The following KLRG1 variants were observed in gnomAD, a reference collection of about 807,000 sequenced individuals.
KLRG1 encodes killer cell lectin like receptor G1.
A neutral mutation model predicts 21.8 loss-of-function variants in KLRG1; 16 were observed. That is an observed-to-expected ratio of 0.73 (90% CI 0.50 to 1.11). The LOEUF (loss-of-function observed/expected upper bound fraction) is 1.11. Among genes scored for constraint, KLRG1 ranks in the 50% most tolerant of loss-of-function variants. KLRG1 has a pLI of 0.00. For synonymous variants in KLRG1, 69 were observed against 75.9 expected (o/e 0.91, Z 0.47); for missense variants, 173 against 218.3 (o/e 0.79, Z 1.31).
chr12:9,032,863 C>T, the KLRG1 span, among the ~76,000 whole-genome samples: 1 of 152,170 alleles, frequency 6.6e-6, no homozygotes, highest in African/African-American at 2.4e-5. Flanking sequence ...ATTTTCCACA[C>T]TCCTATGATT....
chr12:9,052,487 A>G, the KLRG1 span, among the ~76,000 whole-genome samples: 1 of 152,138 alleles, frequency 6.6e-6, no homozygotes, highest in Non-Finnish European at 1.5e-5. Flanking sequence ...AACTCACCCA[A>G]GGGTCTCACA....
At chr12:9,106,467 C>T in the KLRG1 span, 1 of 1,503,682 alleles carries the variant, frequency 6.7e-7, no homozygotes, top group South Asian at 1.2e-5. Flanking sequence ...TGTGTTTTCT[C>T]TTATACCCAT....
At chr12:9,123,936 C>T in the KLRG1 span, among the ~76,000 whole-genome samples, 9 of 149,532 alleles carry the variant, frequency 6.0e-5, no homozygotes, top group African/African-American at 1.5e-4. Flanking sequence ...AGGGTTATGT[C>T]GAAAGGACTC....
the KLRG1 span, chr12:9,157,758 G>T: frequency 2.2e-5 from 35 of 1,611,110 alleles, no homozygotes; most frequent in East Asian, 2.7e-4. Flanking sequence ...GGATTGAGCT[G>T]GTACCTACAG....
downstream of KLRG1, among the ~76,000 whole-genome samples, chr12:9,011,125 G>A (rs956285116): frequency 6.6e-6 from 1 of 152,122 alleles, no homozygotes; most frequent in Non-Finnish European, 1.5e-5. Context: ...AACTACAGTC[G>A]GGTCTTAAAT....
At chr12:9,097,059 T>C in the KLRG1 span, among the ~76,000 whole-genome samples, 1 of 152,198 alleles carries the variant, frequency 6.6e-6, no homozygotes, top group African/African-American at 2.4e-5. Context: ...GCTTTATTAT[T>C]AATAAATAGG....
At chr12:9,028,192 C>T in the KLRG1 span, 3 of 596,030 alleles carry the variant, frequency 5.0e-6, no homozygotes, top group Middle Eastern at 4.7e-4. Flanking sequence ...GCTCTTGTCA[C>T]CTAGGCTGGA....
chr12:9,166,472 T>A, the KLRG1 span, among the ~76,000 whole-genome samples: 20 of 152,094 alleles, frequency 1.3e-4, no homozygotes, highest in Non-Finnish European at 2.4e-4. Context: ...TGGAGACAGT[T>A]TTATGGGTTT....
At chr12:8,963,383 C>G (rs1470476390) in intron 1 of KLRG1, among the ~76,000 whole-genome samples, 1 of 152,174 alleles carries the variant, frequency 6.6e-6, no homozygotes. Context: ...AGAGATGAAG[C>G]CCACTTGATC....
the KLRG1 span, chr12:9,154,530 C>A: frequency 1.6e-6 from 2 of 1,243,780 alleles, no homozygotes; most frequent in South Asian, 1.4e-5. Context: ...TAATAATTGC[C>A]TTCTCTTTTC....
the KLRG1 span, among the ~76,000 whole-genome samples, chr12:9,107,314 C>T: frequency 6.6e-6 from 1 of 152,252 alleles, no homozygotes; most frequent in South Asian, 2.1e-4. Flanking sequence ...GGCTCAGTGT[C>T]TATCGTTCTG....
chr12:9,008,883 A>T, intron 3 of KLRG1, 92 bp from the exon 4 acceptor site: 1 of 795,640 alleles, frequency 1.3e-6, no homozygotes, highest in Non-Finnish European at 2.1e-6. Context: ...TTAATTAATT[A>T]CTTAACTTAG....
At chr12:9,208,823 A>C in the KLRG1 span, among the ~76,000 whole-genome samples, 1 of 152,150 alleles carries the variant, frequency 6.6e-6, no homozygotes, top group African/African-American at 2.4e-5. Context: ...GATTGAGTAC[A>C]TGGTCCTGGA....
the KLRG1 span, chr12:9,192,765 G>C: frequency 2.0e-6 from 3 of 1,491,278 alleles, no homozygotes; most frequent in South Asian, 1.1e-5. Context: ...AGCAAAGAAA[G>C]AATACTGTCT....
the KLRG1 span, among the ~76,000 whole-genome samples, chr12:9,142,807 G>A: frequency 6.6e-6 from 1 of 152,168 alleles, no homozygotes; most frequent in East Asian, 1.9e-4. Flanking sequence ...ATTTTGAGAG[G>A]TACTTATTTA....
At chr12:9,138,854 T>C in the KLRG1 span, among the ~76,000 whole-genome samples, 4 of 152,004 alleles carry the variant, frequency 2.6e-5, no homozygotes, top group African/African-American at 9.7e-5. Flanking sequence ...TTTTTTTTAG[T>C]CTAAATAAGG....
the KLRG1 span, chr12:9,095,681 T>A: frequency 1.2e-6 from 2 of 1,612,482 alleles, no homozygotes. Flanking sequence ...GAGGTCCTTT[T>A]CTGGTAGCAG....
chr12:9,215,428 C>G, the KLRG1 span, among the ~76,000 whole-genome samples: 1 of 151,828 alleles, frequency 6.6e-6, no homozygotes, highest in African/African-American at 2.4e-5. Flanking sequence ...ATTGTGATTA[C>G]TTTTTTGGAA....
chr12:9,029,190 A>C, the KLRG1 span: 1 of 205,580 alleles, frequency 4.9e-6, no homozygotes. Flanking sequence ...AATACAATAC[A>C]TTGTGTGTGT....
Sources: gnomAD v4.1 joint callset for allele counts (sites outside exome capture counted in the v4.1 genomes callset) on GRCh38, gnomAD v4.1.1 for gene constraint, MANE v1.5 for transcripts, NCBI Gene and HGNC (gene_info 2026-07-23, HGNC 2026-07-21) for gene names.